KANSL1: variants seen among roughly 807,000 people sequenced by gnomAD.
KANSL1 encodes the protein MLL1/MLL complex subunit KANSL1.
In KANSL1, 22 loss-of-function variants were observed where a neutral mutation model predicts 103.6. The observed-to-expected ratio is 0.21, with a 90% CI of 0.15 to 0.30. KANSL1 has a LOEUF of 0.30. Ranked by LOEUF, KANSL1 falls within the 10% of genes least tolerant of loss-of-function variation. The pLI is 1.00. For synonymous variants in KANSL1, 600 were observed against 527.6 expected (o/e 1.14, Z -1.88); for missense variants, 1,337 against 1,399.8 (o/e 0.96, Z 0.72).
intron 4 of KANSL1, among the ~76,000 whole-genome samples, chr17:46,075,379 C>T (rs2078726588): frequency 6.6e-6 from 1 of 152,150 alleles, no homozygotes; most frequent in Non-Finnish European, 1.5e-5. Flanking sequence ...CGCTGTTGAC[C>T]AGGCTGGAAT....
intron 2 of KANSL1, among the ~76,000 whole-genome samples, chr17:46,098,471 A>G (rs1322083083): frequency 6.6e-6 from 1 of 152,252 alleles, no homozygotes; most frequent in Non-Finnish European, 1.5e-5. Flanking sequence ...TTGAAAATAC[A>G]AAAGGAAAAG....
intron 1 of KANSL1, among the ~76,000 whole-genome samples, chr17:46,183,591 C>G (rs1046654929): frequency 4.4e-5 from 6 of 137,532 alleles, no homozygotes; most frequent in African/African-American, 5.3e-5. Flanking sequence ...AGAGAGGAGA[C>G]AGGGGAGAGG....
At chr17:46,140,972 G>C (rs1422167129) in intron 2 of KANSL1, among the ~76,000 whole-genome samples, 1 of 151,816 alleles carries the variant, frequency 6.6e-6, no homozygotes, top group African/African-American at 2.4e-5. Flanking sequence ...TCCTCAAAAA[G>C]TTATACACAG....
At chr17:46,203,197 C>T (rs1301884640) in intron 1 of KANSL1, among the ~76,000 whole-genome samples, 2 of 152,062 alleles carry the variant, frequency 1.3e-5, no homozygotes, top group Non-Finnish European at 2.9e-5. Flanking sequence ...GCTGAGATCG[C>T]GCCACTGCAC....
rs571614412 is a variant in KANSL1, at chr17:46,033,776, C to G, written c.2667-316G>C. ...CACTGTTCAGGACCAGCTGATTGCT[C>G]CCATATGGAAATGCATACCCAGGGT... is the stretch of plus-strand genomic sequence containing the variant. On this transcript the variant is annotated intron_variant, in intron 11 of 14. Coordinates refer to ENST00000432791, the MANE Select transcript of KANSL1 (RefSeq NM_015443.4). Among the ~76,000 whole-genome samples the G allele has an allele frequency of 5.9e-5, 9 of 152,326 alleles. No homozygotes were observed. The South Asian group carries it at 1.9e-3, about 32-fold the overall frequency.
At chr17:46,167,276 A>T (rs1393180035) in intron 2 of KANSL1, among the ~76,000 whole-genome samples, 1 of 152,240 alleles carries the variant, frequency 6.6e-6, no homozygotes, top group Non-Finnish European at 1.5e-5. Flanking sequence ...TGCAGGGAAA[A>T]AAAAACAACT....
intron 2 of KANSL1, among the ~76,000 whole-genome samples, chr17:46,098,891 C>T (rs1236211314): frequency 6.6e-6 from 1 of 152,184 alleles, no homozygotes; most frequent in Non-Finnish European, 1.5e-5. Context: ...GAGCAGAAAG[C>T]TAAACTGTTA....
chr17:46,063,071 A>AAAACG (rs2078240326), intron 6 of KANSL1, among the ~76,000 whole-genome samples: 1 of 152,180 alleles, frequency 6.6e-6, no homozygotes, highest in Non-Finnish European at 1.5e-5. Context: ...AAAACAAAAC[A>AAAACG]AAACCTCAAT....
At chr17:46,221,344 C>G (rs549919553) in intron 1 of KANSL1, 5 of 152,190 alleles carry the variant, frequency 3.3e-5, no homozygotes, top group Non-Finnish European at 7.3e-5. Context: ...TCACTCTTTT[C>G]TCCGACTCAC....
rs1555733519 is a variant in KANSL1, at chr17:46,038,576, G to A, written c.2503C>T (p.Pro835Ser). The A allele has an allele frequency of 1.9e-6, 3 of 1,614,180 alleles. No individual in the cohort carries two copies. Among genetic ancestry groups the A allele is most frequent in the Non-Finnish European group, 2.5e-6 (3 of 1,180,036 alleles). ...QLSTSSDSPA[P>S]ASSSSQVTAS... is the part of the protein sequence containing the mutation. ...GTAACCTGTGAGCTAGAGCTGGCGG[G>A]TGCAGGGGAATCTGAGGAGGTGGAG... The change falls in exon 10 of 15, where the codon CCC becomes TCC. Residue 835 changes from proline to serine, a missense_variant. This residue lies in a region of KANSL1 where 780 missense variants were observed against 923.4 expected (regional missense o/e 0.84). Transcript: ENST00000432791.
intron 4 of KANSL1, among the ~76,000 whole-genome samples, chr17:46,076,885 C>T (rs1435634788): frequency 1.3e-5 from 2 of 152,144 alleles, no homozygotes; most frequent in African/African-American, 4.8e-5. Context: ...ATATTGACCC[C>T]GTACCTGGAG....
intron 3 of KANSL1, among the ~76,000 whole-genome samples, chr17:46,090,571 T>TC (rs1172899671): frequency 1.3e-5 from 2 of 152,238 alleles, no homozygotes; most frequent in Non-Finnish European, 2.9e-5. Context: ...ACTTTTCTTC[T>TC]CAAGGTTCAT....
chr17:46,045,463 T>A (rs917259068), intron 7 of KANSL1: 3 of 150,350 alleles, frequency 2.0e-5, no homozygotes, highest in Non-Finnish European at 4.5e-5. Flanking sequence ...CTCCACAGTC[T>A]CATAAGGAGA....
intron 7 of KANSL1, 25 bp downstream of exon 7, chr17:46,050,508 C>T (rs1172966975): frequency 1.2e-6 from 2 of 1,608,920 alleles, no homozygotes; most frequent in Non-Finnish European, 1.7e-6. Flanking sequence ...TTTCATTAGA[C>T]TTTCTAGTCT....
chr17:46,098,056 A>C (rs887170453), intron 2 of KANSL1, among the ~76,000 whole-genome samples: 5 of 149,794 alleles, frequency 3.3e-5, no homozygotes, highest in Non-Finnish European at 7.4e-5. Context: ...ATACTTTTAA[A>C]GTACAGTTAT....
At chr17:46,217,668 C>A (rs1452306049) in intron 1 of KANSL1, among the ~76,000 whole-genome samples, 1 of 152,084 alleles carries the variant, frequency 6.6e-6, no homozygotes, top group African/African-American at 2.4e-5. Flanking sequence ...GTGGGCAGAT[C>A]ACTTAAGGTC....
At chr17:46,088,608 G>GT (rs912232792) in intron 3 of KANSL1, 8 of 152,198 alleles carry the variant, frequency 5.3e-5, no homozygotes, top group African/African-American at 7.2e-5. Flanking sequence ...AAAAAACAAC[G>GT]TAAGAGTCAA....
rs199901217 is a variant in KANSL1, at chr17:46,031,713, G to A, written c.3091-10C>T. 13 of 1,586,656 alleles carry A rather than the reference G, an allele frequency of 8.2e-6. No individual in the cohort carries two copies. In the East Asian group the frequency reaches 2.7e-4, roughly 33 times the overall value. ...CCCAGGGCTGGACAGACTGTAGGCA[G>A]ACAAGTTGCTCTTTGAGGACCCAGT... On this transcript the variant is annotated splice_polypyrimidine_tract_variant and intron_variant, in intron 14 of 14. Transcript: ENST00000432791.
chr17:46,096,199 T>C (rs928658285), intron 2 of KANSL1, among the ~76,000 whole-genome samples: 34 of 150,670 alleles, frequency 2.3e-4, no homozygotes, highest in Non-Finnish European at 4.3e-4. Context: ...TGGATTGTGG[T>C]GGTGCAATCA....
Sources: gnomAD v4.1 joint callset for allele counts (sites outside exome capture counted in the v4.1 genomes callset) on GRCh38, gnomAD v4.1.1 for gene constraint, gnomAD v4.1.1 regional missense constraint, MANE v1.5 for transcripts, NCBI Gene and HGNC (gene_info 2026-07-23, HGNC 2026-07-21) for gene names.